CFAP210: variants seen among roughly 807,000 people sequenced by gnomAD.
CFAP210 encodes the protein cilia- and flagella- associated protein 210.
chr2:169,676,001 G>A, the CFAP210 span, among the ~76,000 whole-genome samples: 2 of 152,066 alleles, frequency 1.3e-5, no homozygotes, highest in African/African-American at 4.8e-5. Flanking sequence ...AAAAGTTTTA[G>A]TGTTTTGCCA....
At chr2:169,645,897 G>C in the CFAP210 span, 2 of 1,613,830 alleles carry the variant, frequency 1.2e-6, no homozygotes, top group South Asian at 2.2e-5. Flanking sequence ...TTTGGTCCCT[G>C]AGAGTTATAA....
the CFAP210 span, chr2:169,662,312 C>T: frequency 3.1e-6 from 5 of 1,602,876 alleles, no homozygotes; most frequent in Non-Finnish European, 4.2e-6. Flanking sequence ...TGCATCTCTT[C>T]TCTTTTCTTT....
At chr2:169,670,218 C>G in the CFAP210 span, among the ~76,000 whole-genome samples, 1 of 152,152 alleles carries the variant, frequency 6.6e-6, no homozygotes, top group South Asian at 2.1e-4. Flanking sequence ...TGTTAAGTTT[C>G]TTTTTAATAA....
chr2:169,645,897 G>T, the CFAP210 span: 3 of 1,613,830 alleles, frequency 1.9e-6, no homozygotes, highest in Non-Finnish European at 2.5e-6. Flanking sequence ...TTTGGTCCCT[G>T]AGAGTTATAA....
the CFAP210 span, among the ~76,000 whole-genome samples, chr2:169,660,604 A>ATT: frequency 2.4e-4 from 29 of 121,706 alleles, no homozygotes; most frequent in African/African-American, 8.2e-4. Flanking sequence ...ATATATATAT[A>ATT]TTTTTTTTTT....
chr2:169,654,059 CATT>C, the CFAP210 span: 2 of 1,599,034 alleles, frequency 1.3e-6, no homozygotes, highest in Non-Finnish European at 1.7e-6. Context: ...TTATTATACA[CATT>C]ATTAAAGCCT....
chr2:169,651,487 TG>T, the CFAP210 span, among the ~76,000 whole-genome samples: 3 of 151,812 alleles, frequency 2.0e-5, no homozygotes, highest in Non-Finnish European at 4.4e-5. Context: ...CTCCACCTCC[TG>T]GGTTCAAGCG....
the CFAP210 span, among the ~76,000 whole-genome samples, chr2:169,689,156 T>C: frequency 6.6e-6 from 1 of 152,194 alleles, no homozygotes; most frequent in Non-Finnish European, 1.5e-5. Context: ...GCCCCCATGA[T>C]TCAATTATCT....
At chr2:169,674,166 GA>G in the CFAP210 span, among the ~76,000 whole-genome samples, 2 of 152,140 alleles carry the variant, frequency 1.3e-5, no homozygotes, top group Non-Finnish European at 2.9e-5. Context: ...AATACCATGT[GA>G]AAAGTTTCCC....
the CFAP210 span, among the ~76,000 whole-genome samples, chr2:169,668,685 G>A: frequency 6.6e-6 from 1 of 152,198 alleles, no homozygotes; most frequent in Admixed American, 6.5e-5. Flanking sequence ...GAGAGAGATA[G>A]GAGAACAGTG....
chr2:169,687,596 C>T, the CFAP210 span, among the ~76,000 whole-genome samples: 1 of 152,178 alleles, frequency 6.6e-6, no homozygotes, highest in Non-Finnish European at 1.5e-5. Flanking sequence ...AGGTGGGGAC[C>T]CATGGTCTTT....
the CFAP210 span, among the ~76,000 whole-genome samples, chr2:169,665,767 T>C: frequency 5.3e-5 from 8 of 152,268 alleles, no homozygotes; most frequent in Non-Finnish European, 7.4e-5. Context: ...CTTGTGGTAG[T>C]TGAGTACAGG....
At chr2:169,669,218 C>T in the CFAP210 span, among the ~76,000 whole-genome samples, 1 of 152,002 alleles carries the variant, frequency 6.6e-6, no homozygotes, top group Non-Finnish European at 1.5e-5. Context: ...AAACATGAGG[C>T]AAGCAAGAGC....
At chr2:169,678,064 G>C in the CFAP210 span, among the ~76,000 whole-genome samples, 1 of 152,094 alleles carries the variant, frequency 6.6e-6, no homozygotes, top group Non-Finnish European at 1.5e-5. Context: ...ACTTAGGCTG[G>C]GCGCGGTGGC....
the CFAP210 span, chr2:169,654,021 T>C: frequency 1.3e-6 from 2 of 1,488,620 alleles, no homozygotes; most frequent in Non-Finnish European, 1.8e-6. Flanking sequence ...ATAATAATCA[T>C]AAAATCATAA....
At chr2:169,668,620 T>A in the CFAP210 span, among the ~76,000 whole-genome samples, 1 of 152,204 alleles carries the variant, frequency 6.6e-6, no homozygotes. Flanking sequence ...AGGTTATTAA[T>A]TGGCCTGATT....
At chr2:169,653,348 C>G in the CFAP210 span, among the ~76,000 whole-genome samples, 1 of 151,614 alleles carries the variant, frequency 6.6e-6, no homozygotes, top group African/African-American at 2.4e-5. Flanking sequence ...GAGAAGAGGT[C>G]TGAGGGATAA....
the CFAP210 span, among the ~76,000 whole-genome samples, chr2:169,669,093 T>C: frequency 6.6e-6 from 1 of 152,120 alleles, no homozygotes; most frequent in Admixed American, 6.5e-5. Context: ...AGAGTAATAA[T>C]TGAGGTACTT....
the CFAP210 span, among the ~76,000 whole-genome samples, chr2:169,646,740 G>A: frequency 6.6e-6 from 1 of 152,148 alleles, no homozygotes. Context: ...GGAATAAGTA[G>A]GCAATTTGCC....
Sources: gnomAD v4.1 joint callset for allele counts (sites outside exome capture counted in the v4.1 genomes callset) on GRCh38, gnomAD v4.1.1 for gene constraint, MANE v1.5 for transcripts, NCBI Gene and HGNC (gene_info 2026-07-23, HGNC 2026-07-21) for gene names.